EHBP1: variants seen among roughly 807,000 people sequenced by gnomAD.
EHBP1 encodes EH domain binding protein 1.
EHBP1 carries 55 observed loss-of-function variants against 144.0 expected under a neutral mutation model. The ratio of observed to expected loss-of-function variants is 0.38; its 90% CI spans 0.31 to 0.48. The LOEUF is 0.48. Ranked by LOEUF, EHBP1 falls within the 20% of genes least tolerant of loss-of-function variation. The pLI is 0.98. For missense variants in EHBP1, 1,200 were observed against 1,364.2 expected, an observed-to-expected ratio of 0.88 and a Z score of 1.90; for synonymous variants, 469 against 472.7, an observed-to-expected ratio of 0.99 and a Z score of 0.10.
intron 1 of EHBP1, among the ~76,000 whole-genome samples, chr2:62,691,640 C>T (rs536845923): frequency 6.6e-6 from 1 of 152,306 alleles, no homozygotes; most frequent in Non-Finnish European, 1.5e-5. Context: ...AACTGAAAAT[C>T]CTCTAATCCA....
chr2:62,679,734 G>T (rs952120382), intron 1 of EHBP1, among the ~76,000 whole-genome samples: 5 of 152,128 alleles, frequency 3.3e-5, no homozygotes, highest in African/African-American at 1.2e-4. Context: ...AAATAAAATG[G>T]CATTGGCTAT....
intron 14 of EHBP1, among the ~76,000 whole-genome samples, chr2:62,969,923 C>T (rs541680400): frequency 6.6e-5 from 10 of 152,076 alleles, no homozygotes; most frequent in Non-Finnish European, 1.3e-4. Context: ...TAATGTTTCA[C>T]CCTAAATCCT....
At chr2:63,024,252 G>C (rs1211836808) in intron 19 of EHBP1, among the ~76,000 whole-genome samples, 1 of 152,204 alleles carries the variant, frequency 6.6e-6, no homozygotes, top group Admixed American at 6.5e-5. Flanking sequence ...GCTGAGGCAC[G>C]AGAATCACTT....
At chr2:62,812,178 A>G (rs1488899722) in intron 5 of EHBP1, among the ~76,000 whole-genome samples, 2 of 152,180 alleles carry the variant, frequency 1.3e-5, no homozygotes, top group African/African-American at 2.4e-5. Context: ...ACCCCTCACC[A>G]GATGCTGGCT....
intron 10 of EHBP1, among the ~76,000 whole-genome samples, chr2:62,877,316 A>G (rs530823470): frequency 6.6e-6 from 1 of 152,362 alleles, no homozygotes; most frequent in South Asian, 2.1e-4. Flanking sequence ...GCTATCCTAA[A>G]TAATATGCAC....
intron 2 of EHBP1, among the ~76,000 whole-genome samples, chr2:62,731,884 G>T (rs113221327): frequency 6.6e-6 from 1 of 152,128 alleles, no homozygotes; most frequent in East Asian, 1.9e-4. Flanking sequence ...TTACAAAACA[G>T]TTGTCATAAG....
intron 10 of EHBP1, among the ~76,000 whole-genome samples, chr2:62,935,464 C>T (rs1170748211): frequency 2.0e-5 from 3 of 151,014 alleles, no homozygotes; most frequent in African/African-American, 7.3e-5. Context: ...AAGTACTTGA[C>T]ATTTTTATGC....
At chr2:62,897,975 A>G (rs1423060504) in intron 10 of EHBP1, among the ~76,000 whole-genome samples, 1 of 152,190 alleles carries the variant, frequency 6.6e-6, no homozygotes, top group Admixed American at 6.5e-5. Context: ...AATTTTACAG[A>G]GTGAAAAATA....
intron 2 of EHBP1, among the ~76,000 whole-genome samples, chr2:62,711,121 T>C (rs1338128120): frequency 1.3e-5 from 2 of 152,044 alleles, no homozygotes; most frequent in Non-Finnish European, 2.9e-5. Flanking sequence ...GAGTAGTAGG[T>C]GGTGAGAAAT....
intron 5 of EHBP1, among the ~76,000 whole-genome samples, chr2:62,810,349 C>G (rs750734508): frequency 6.6e-6 from 1 of 152,182 alleles, no homozygotes; most frequent in Non-Finnish European, 1.5e-5. Context: ...AGGCTTTAGC[C>G]TAGTGTGCTC....
In EHBP1 at chr2:62,784,745, G is replaced by A. The variant is rs140703110; in HGVS notation, c.312+13353G>A. Reference sequence around the variant, plus strand: ...ACCCAAAGTGAGGAGAGTACTAGGGGTTGAAGCTATCAACATGAGCCCTTA... The same window carrying A: ...ACCCAAAGTGAGGAGAGTACTAGGGATTGAAGCTATCAACATGAGCCCTTA... On this transcript the variant is annotated intron_variant, in intron 5 of 22. Coordinates refer to ENST00000431489, the MANE Select transcript of EHBP1 (RefSeq NM_001142616.3). Among the ~76,000 whole-genome samples the A allele has an allele frequency of 1.8e-3, 270 of 152,296 alleles. 2 individuals carry two copies. The highest frequency in any genetic ancestry group is 6.2e-3 in the African/African-American group (256 of 41,564).
intron 7 of EHBP1, among the ~76,000 whole-genome samples, chr2:62,832,255 A>C (rs2046867898): frequency 6.6e-6 from 1 of 152,046 alleles, no homozygotes; most frequent in African/African-American, 2.4e-5. Context: ...AAATGTTTTA[A>C]AAATATTATT....
chr2:62,852,735 A>G (rs1366489810), intron 7 of EHBP1, among the ~76,000 whole-genome samples: 2 of 152,172 alleles, frequency 1.3e-5, no homozygotes, highest in African/African-American at 4.8e-5. Flanking sequence ...TAATCACTTA[A>G]CAGTGATCCT....
chr2:62,841,546 A>T lies in EHBP1; in HGVS notation c.634+10388A>T, dbSNP rs188954166. Among the ~76,000 whole-genome samples, 120 of 152,314 alleles carry T rather than the reference A, an allele frequency of 7.9e-4. 1 individual carries two copies. Among genetic ancestry groups the T allele is most frequent in the African/African-American group, 2.7e-3 (114 of 41,578 alleles). Reference sequence around the variant, plus strand: ...ATTGACTCTCTTCTTGTAGAATGAGAGATGCAGTATGATTCTCTTCTTTAT... The same window carrying T: ...ATTGACTCTCTTCTTGTAGAATGAGTGATGCAGTATGATTCTCTTCTTTAT... On this transcript the variant is annotated intron_variant, in intron 7 of 22. Coordinates refer to ENST00000431489, the MANE Select transcript of EHBP1 (RefSeq NM_001142616.3).
At chr2:62,820,732 TGTATA>T (rs1558730358) in intron 5 of EHBP1, among the ~76,000 whole-genome samples, 7 of 113,970 alleles carry the variant, frequency 6.1e-5, no homozygotes, top group African/African-American at 2.4e-4. Context: ...TGTGTGTGTG[TGTATA>T]ATATATATAT....
chr2:62,818,288 A>G (rs2045596275), intron 5 of EHBP1, among the ~76,000 whole-genome samples: 1 of 151,484 alleles, frequency 6.6e-6, no homozygotes. Flanking sequence ...TTAGTGCCCT[A>G]TACAGACATA....
chr2:62,804,224 G>A (rs577529099), intron 5 of EHBP1, among the ~76,000 whole-genome samples: 1 of 152,304 alleles, frequency 6.6e-6, no homozygotes, highest in East Asian at 1.9e-4. Flanking sequence ...TGTGGAATCA[G>A]AGACAGTGCT....
chr2:62,675,899 C>T lies in EHBP1; in HGVS notation c.-296+1816C>T, dbSNP rs964143530. On this transcript the variant is annotated intron_variant, in intron 1 of 22. Coordinates refer to the EHBP1 transcript ENST00000405015. Reference sequence around the variant, plus strand: ...TCCCAAGTATCTGGAACCACAGGTGCGTACCACCATGGCCCACAAGTTTTT... The same window carrying T: ...TCCCAAGTATCTGGAACCACAGGTGTGTACCACCATGGCCCACAAGTTTTT... Among the ~76,000 whole-genome samples, 9 of 152,172 alleles carry T rather than the reference C, an allele frequency of 5.9e-5. No homozygotes were observed. In the Middle Eastern group the frequency reaches 0.01, roughly 173 times the overall value.
At chr2:63,031,349 T>G (rs900775081) in intron 19 of EHBP1, among the ~76,000 whole-genome samples, 2 of 152,154 alleles carry the variant, frequency 1.3e-5, no homozygotes, top group Non-Finnish European at 1.5e-5. Flanking sequence ...TTCCCCTTAC[T>G]AGAGGTCGCT....
Sources: allele counts gnomAD v4.1 joint callset (sites outside exome capture counted in the v4.1 genomes callset), GRCh38; gene constraint gnomAD v4.1.1; transcripts MANE v1.5; gene names NCBI Gene and HGNC (gene_info 2026-07-23, HGNC 2026-07-21).